OTOGL: variants seen among roughly 807,000 people sequenced by gnomAD.
OTOGL encodes otogelin-like protein.
In OTOGL, 285 loss-of-function variants were observed where a neutral mutation model predicts 318.5. That is an observed-to-expected ratio of 0.89 (90% CI 0.81 to 0.99). OTOGL has a LOEUF of 0.99. OTOGL is among the 50% of genes least tolerant of loss of function. The pLI, the probability that OTOGL is intolerant of heterozygous loss-of-function variation, is 0.00. For synonymous variants in OTOGL, 987 were observed against 936.5 expected (o/e 1.05, Z -0.99); for missense variants, 2,899 against 2,845.6 (o/e 1.02, Z -0.43).
intron 1 of OTOGL, among the ~76,000 whole-genome samples, chr12:80,121,521 A>G (rs935284724): frequency 6.6e-6 from 1 of 152,180 alleles, no homozygotes; most frequent in African/African-American, 2.4e-5. Flanking sequence ...GAGAGTCTAT[A>G]TAACACAAAC....
intron 32 of OTOGL, 21 bp from the exon 33 acceptor site, chr12:80,318,525 C>A (rs1163278976): frequency 4.9e-6 from 6 of 1,220,458 alleles, no homozygotes; most frequent in Non-Finnish European, 6.3e-6. Context: ...ATTTATAATT[C>A]TAATATTTAT....
Position 80,356,434 on chromosome 12 carries a change from G to T in OTOGL, c.5825G>T (p.Cys1942Phe). 6.2e-7 allele frequency: 1 copy of T among 1,610,622 alleles called. No homozygotes were observed. Among genetic ancestry groups the T allele is most frequent in the South Asian group, 1.1e-5 (1 of 90,474 alleles). ...KEVCGCDTTL[C>F]ETSIPTCTNS... ...TTTATAGGATGTGACACGACTTTGT[G>T]TGAAACTAGCATTCCAACATGTACA... Residue 1942 changes from cysteine to phenylalanine, a missense_variant, in exon 48 of 59, where the codon TGT becomes TTT. Cys to Phe is a radical substitution (Grantham distance 205, BLOSUM62 -2). Coordinates refer to ENST00000547103, the MANE Select transcript of OTOGL (RefSeq NM_001378609.3).
At position 80,352,289 on chromosome 12, in the gene OTOGL, C is replaced by T. The variant is rs1434305948; in HGVS notation, c.5266-6C>T. The T allele has an allele frequency of 1.9e-6, 3 of 1,604,496 alleles. No individual in the cohort carries two copies. Among genetic ancestry groups the T allele is most frequent in the Non-Finnish European group, 2.5e-6 (3 of 1,176,562 alleles). The stretch of plus-strand genomic sequence containing the variant: ...TAACTTATTTCAAGGCAAAATGTTT[C>T]TCTAGGTTTCACCGGAAGACTTTTG... On this transcript the variant is annotated splice_region_variant and splice_polypyrimidine_tract_variant and intron_variant, in intron 44 of 58. Coordinates refer to ENST00000547103, the MANE Select transcript of OTOGL (RefSeq NM_001378609.3).
chr12:80,358,967 C>G, intron 52 of OTOGL, 67 bp downstream of exon 52: 2 of 1,258,956 alleles, frequency 1.6e-6, no homozygotes, highest in Non-Finnish European at 2.2e-6. Flanking sequence ...CTTTATCTCT[C>G]TCATTTCTAA....
chr12:80,156,813 T>C (rs1159294534), intron 1 of OTOGL, among the ~76,000 whole-genome samples: 8 of 152,164 alleles, frequency 5.3e-5, no homozygotes, highest in African/African-American at 1.9e-4. Flanking sequence ...CTTGGGTATG[T>C]CTTTATCAGC....
At chr12:80,167,754 G>A (rs149179978) in intron 1 of OTOGL, among the ~76,000 whole-genome samples, 1,586 of 151,894 alleles carry the variant, frequency 0.01, 8 homozygotes, top group South Asian at 0.026. Flanking sequence ...TGTTTTTCTC[G>A]TTCTCAAGAA....
intron 1 of OTOGL, among the ~76,000 whole-genome samples, chr12:80,169,756 C>T (rs1053834952): frequency 2.0e-5 from 3 of 152,136 alleles, no homozygotes; most frequent in Non-Finnish European, 4.4e-5. Context: ...CAGAACATGA[C>T]CTACATGCAA....
chr12:80,240,672 G>C (rs1019683581), intron 11 of OTOGL, among the ~76,000 whole-genome samples: 3 of 152,000 alleles, frequency 2.0e-5, no homozygotes, highest in Non-Finnish European at 4.4e-5. Flanking sequence ...TTGCCTATAG[G>C]CACAATTGAA....
At chr12:80,306,734 A>G (rs1472588416) in intron 29 of OTOGL, among the ~76,000 whole-genome samples, 2 of 151,192 alleles carry the variant, frequency 1.3e-5, no homozygotes, top group African/African-American at 4.9e-5. Flanking sequence ...ATCGTTTTAC[A>G]TTCTTCTCTC....
chr12:80,356,756 CA>C (rs1045798793), intron 48 of OTOGL, 50 bp from the exon 49 acceptor site: 3 of 1,163,318 alleles, frequency 2.6e-6, no homozygotes, highest in African/African-American at 1.6e-5. Context: ...AACACTATGT[CA>C]TTTTTTTATT....
intron 52 of OTOGL, among the ~76,000 whole-genome samples, chr12:80,362,798 T>G (rs1890312043): frequency 6.6e-6 from 1 of 152,068 alleles, no homozygotes; most frequent in African/African-American, 2.4e-5. Context: ...GGACAGGGGC[T>G]AATAGAAACG....
intron 1 of OTOGL, among the ~76,000 whole-genome samples, chr12:80,202,581 A>G (rs1179099629): frequency 6.6e-6 from 1 of 152,120 alleles, no homozygotes; most frequent in Non-Finnish European, 1.5e-5. Flanking sequence ...CCTGTCTGGT[A>G]TCTTTCAAGG....
At chr12:80,364,319 A>T (rs1001028223) in intron 52 of OTOGL, among the ~76,000 whole-genome samples, 2 of 152,212 alleles carry the variant, frequency 1.3e-5, no homozygotes, top group African/African-American at 2.4e-5. Flanking sequence ...GATTTTAAAA[A>T]ATATCACATT....
chr12:80,260,113 G>A (rs1173400349), intron 18 of OTOGL, among the ~76,000 whole-genome samples: 2 of 152,078 alleles, frequency 1.3e-5, no homozygotes, highest in Admixed American at 1.3e-4. Context: ...ACATATAGTG[G>A]ACAGTTAATT....
chr12:80,306,179 AC>A (rs1386179676), intron 29 of OTOGL, among the ~76,000 whole-genome samples: 1 of 152,166 alleles, frequency 6.6e-6, no homozygotes. Flanking sequence ...GTGGTCAACT[AC>A]CTTTGGCAGC....
At chr12:80,349,319 G>A (rs191620867) in intron 44 of OTOGL, among the ~76,000 whole-genome samples, 14 of 152,108 alleles carry the variant, frequency 9.2e-5, no homozygotes, top group African/African-American at 3.4e-4. Flanking sequence ...AATTTTCACA[G>A]CAGTCTTAAG....
At chr12:80,246,008 A>G (rs1280256617) in intron 11 of OTOGL, among the ~76,000 whole-genome samples, 3 of 148,104 alleles carry the variant, frequency 2.0e-5, no homozygotes, top group Non-Finnish European at 3.0e-5. Flanking sequence ...TTGTACATTG[A>G]TTTTGTATCC....
At chr12:80,365,969 T>G (rs531493441) in intron 52 of OTOGL, among the ~76,000 whole-genome samples, 1 of 152,148 alleles carries the variant, frequency 6.6e-6, no homozygotes, top group Non-Finnish European at 1.5e-5. Context: ...GCATCTGTCA[T>G]AGTAACAATG....
At chr12:80,239,233 G>A (rs1207675029) in intron 10 of OTOGL, 100 bp from the exon 11 acceptor site, 1 of 1,039,948 alleles carries the variant, frequency 9.6e-7, no homozygotes, top group African/African-American at 1.6e-5. Context: ...CTTTTTCCTT[G>A]TGAGAACTGA....
Sources: gnomAD v4.1 joint callset for allele counts (sites outside exome capture counted in the v4.1 genomes callset) on GRCh38, gnomAD v4.1.1 for gene constraint, MANE v1.5 for transcripts, NCBI Gene and HGNC (gene_info 2026-07-23, HGNC 2026-07-21) for gene names.